SBF2: variants seen among roughly 807,000 people sequenced by gnomAD.
SBF2 encodes the protein SET binding factor 2.
Under a neutral mutation model 225.2 loss-of-function variants are expected in SBF2, and 112 were observed. The ratio of observed to expected loss-of-function variants is 0.50; its 90% CI spans 0.43 to 0.58. The LOEUF (loss-of-function observed/expected upper bound fraction) is 0.58. SBF2 is among the 20% of genes least tolerant of loss of function. SBF2 has a pLI of 0.00. For missense variants in SBF2, 1,996 were observed against 2,206.2 expected (o/e 0.90, Z 1.91); for synonymous variants, 763 against 773.3 (o/e 0.99, Z 0.22).
At chr11:9,909,136 A>C (rs1862369672) in intron 16 of SBF2, among the ~76,000 whole-genome samples, 1 of 152,210 alleles carries the variant, frequency 6.6e-6, no homozygotes, top group Non-Finnish European at 1.5e-5. Flanking sequence ...AATGAAAAGA[A>C]AGCTATTTTA....
chr11:9,924,576 C>T (rs1441372661), intron 16 of SBF2, among the ~76,000 whole-genome samples: 1 of 152,166 alleles, frequency 6.6e-6, no homozygotes, highest in African/African-American at 2.4e-5. Context: ...GGATTACAGG[C>T]ATGCACCACC....
rs531363932 is a variant in SBF2 at position 9,867,731 on chromosome 11, C to A, written c.1930-9335G>T. On this transcript the variant is annotated intron_variant, in intron 17 of 39. Coordinates refer to ENST00000256190, the MANE Select transcript of SBF2 (RefSeq NM_030962.4). ...GTCATTTGCAGCAACATGGATGGAA[C>A]TGGAGGTCATTATGTTAAACGAAAT... Among the ~76,000 whole-genome samples, 4 of 152,230 alleles carry A rather than the reference C, an allele frequency of 2.6e-5. No individual in the cohort carries two copies. The South Asian group carries it at 8.3e-4, about 32-fold the overall frequency.
intron 29 of SBF2, among the ~76,000 whole-genome samples, chr11:9,816,601 T>G (rs1025866685): frequency 3.3e-5 from 5 of 152,122 alleles, no homozygotes; most frequent in Non-Finnish European, 7.4e-5. Context: ...TTTTTTACTA[T>G]TATGAATAAA....
chr11:10,072,929 C>T (rs7932988), intron 2 of SBF2, among the ~76,000 whole-genome samples: 69,621 of 150,768 alleles, frequency 0.46, 16,449 homozygotes, highest in Admixed American at 0.56. Flanking sequence ...TCATCATCAT[C>T]ATTATTTTTG....
intron 19 of SBF2, 134 bp from the exon 20 acceptor site, chr11:9,853,846 C>T (rs1314637928): frequency 3.6e-6 from 3 of 835,442 alleles, no homozygotes; most frequent in African/African-American, 1.7e-5. Flanking sequence ...CACTTAACTC[C>T]ATGGCTCCTT....
chr11:10,298,835 G>A (rs1457459769), upstream of SBF2, among the ~76,000 whole-genome samples: 1 of 152,132 alleles, frequency 6.6e-6, no homozygotes, highest in Non-Finnish European at 1.5e-5. Context: ...ACTAGTTTGA[G>A]CCGTTATCAC....
intron 1 of SBF2, among the ~76,000 whole-genome samples, chr11:10,200,235 T>C (rs1957523847): frequency 6.6e-6 from 1 of 152,106 alleles, no homozygotes; most frequent in Non-Finnish European, 1.5e-5. Flanking sequence ...TTCCCCCATA[T>C]AAAAAATGAA....
chr11:9,907,948 C>T lies in SBF2; in HGVS notation c.1861-11937G>A, dbSNP rs917031281. On this transcript the variant is annotated intron_variant, in intron 16 of 39. Coordinates refer to ENST00000256190, the MANE Select transcript of SBF2 (RefSeq NM_030962.4). ...TTATTTGCTTGCGATTATATAGCCA[C>T]AAATGGCAGAGCCAGAATTTGAACC... Among the ~76,000 whole-genome samples, 8 of 152,276 alleles carry T rather than the reference C, an allele frequency of 5.3e-5. No individual in the cohort carries two copies. The East Asian group carries it at 5.8e-4, about 11-fold the overall frequency.
In SBF2 at chr11:9,924,492, C is replaced by T. The variant is rs540954553; in HGVS notation, c.1861-28481G>A. On this transcript the variant is annotated intron_variant, in intron 16 of 39. Coordinates refer to ENST00000256190, the MANE Select transcript of SBF2 (RefSeq NM_030962.4). ...TGTTGCCCAGGCTTGAGTGCAATGG[C>T]GTGATCTCCGCTCACGGCAACCTCT... Among the ~76,000 whole-genome samples the T allele has an allele frequency of 6.6e-5, 10 of 152,130 alleles. No individual in the cohort carries two copies. The South Asian group carries it at 1.7e-3, about 25-fold the overall frequency.
intron 2 of SBF2, among the ~76,000 whole-genome samples, chr11:10,091,601 A>T (rs1406705706): frequency 6.6e-6 from 1 of 152,212 alleles, no homozygotes; most frequent in Non-Finnish European, 1.5e-5. Flanking sequence ...AACAATTACT[A>T]GTTAATGTCT....
chr11:10,263,168 C>G (rs1961609308), intron 1 of SBF2, among the ~76,000 whole-genome samples: 1 of 151,912 alleles, frequency 6.6e-6, no homozygotes, highest in African/African-American at 2.4e-5. Context: ...CAAGAATCTT[C>G]TGTTATCCTT....
At chr11:10,037,325 A>G (rs181044135) in intron 3 of SBF2, among the ~76,000 whole-genome samples, 151 of 152,302 alleles carry the variant, frequency 9.9e-4, no homozygotes, top group Non-Finnish European at 1.8e-3. Flanking sequence ...TATGTTACGC[A>G]TGCTAGTTTT....
intron 5 of SBF2, 46 bp downstream of exon 5, chr11:10,029,719 G>A (rs1408805169): frequency 1.0e-5 from 12 of 1,157,146 alleles, no homozygotes; most frequent in Non-Finnish European, 1.6e-5. Flanking sequence ...TGGAGGAGAG[G>A]GGAAGAGGAA....
chr11:10,223,381 C>T (rs1958410312), intron 1 of SBF2, among the ~76,000 whole-genome samples: 1 of 115,012 alleles, frequency 8.7e-6, no homozygotes, highest in Admixed American at 1.1e-4. Flanking sequence ...TACCAATAAA[C>T]AACACATATT....
intron 16 of SBF2, among the ~76,000 whole-genome samples, chr11:9,933,404 T>C (rs570795264): frequency 5.1e-4 from 78 of 152,208 alleles, no homozygotes; most frequent in African/African-American, 1.8e-3. Flanking sequence ...ACCACATAAT[T>C]GGAAGTAAAG....
chr11:9,910,890 CAAAAAA>C (rs68011518), intron 16 of SBF2, among the ~76,000 whole-genome samples: 2 of 93,606 alleles, frequency 2.1e-5, no homozygotes, highest in African/African-American at 4.4e-5. Flanking sequence ...TACTAAAATA[CAAAAAA>C]AAAAAAAAAA....
chr11:10,232,298 C>T (rs956281219), intron 1 of SBF2, among the ~76,000 whole-genome samples: 5 of 152,190 alleles, frequency 3.3e-5, no homozygotes, highest in South Asian at 2.1e-4. Context: ...ACGCTCGGTG[C>T]GCTGCACCCA....
chr11:10,292,051 T>A (rs1460323108), intron 1 of SBF2, among the ~76,000 whole-genome samples: 2 of 152,176 alleles, frequency 1.3e-5, no homozygotes, highest in Non-Finnish European at 2.9e-5. Context: ...CAGGAGAAGA[T>A]AAAGGAAATG....
At chr11:9,899,597 T>C (rs1488733126) in intron 16 of SBF2, among the ~76,000 whole-genome samples, 2 of 151,736 alleles carry the variant, frequency 1.3e-5, no homozygotes, top group African/African-American at 2.4e-5. Context: ...TGAGATTTTA[T>C]CCAATCCTTT....
Sources: allele counts gnomAD v4.1 joint callset (sites outside exome capture counted in the v4.1 genomes callset), GRCh38; gene constraint gnomAD v4.1.1; transcripts MANE v1.5; gene names NCBI Gene and HGNC (gene_info 2026-07-23, HGNC 2026-07-21).